The following ESM1 variants were observed in gnomAD, a reference collection of about 807,000 sequenced individuals.
ESM1 encodes the protein endothelial cell-specific molecule 1.
In ESM1, 7 loss-of-function variants were observed where a neutral mutation model predicts 14.9. That is an observed-to-expected ratio of 0.47 (90% CI 0.27 to 0.88). ESM1 has a LOEUF of 0.88. Among genes scored for constraint, ESM1 ranks in the 40% least tolerant of loss-of-function variants. The pLI is 0.14. For missense variants in ESM1, 192 were observed against 237.9 expected, an observed-to-expected ratio of 0.81 and a Z score of 1.27; for synonymous variants, 89 against 89.4, an observed-to-expected ratio of 1.00 and a Z score of 0.02.
intron 1 of ESM1, among the ~76,000 whole-genome samples, 198 bp from the exon 2 acceptor site, chr5:54,982,344 T>A (rs1034156309): frequency 1.2e-4 from 19 of 152,154 alleles, no homozygotes; most frequent in Non-Finnish European, 1.9e-4. Context: ...TAAGAACAGA[T>A]AATGGATGCC....
chr5:54,985,159 G>C (rs1251466341), intron 1 of ESM1, 58 bp downstream of exon 1: 1 of 1,499,238 alleles, frequency 6.7e-7, no homozygotes, highest in Non-Finnish European at 9.0e-7. Context: ...CACCTCCCAA[G>C]CTGGCTAAAA....
chr5:54,985,284 G>A lies in ESM1; in HGVS notation c.234C>T (p.Gly78=). ...TVSGMDGMKC[G]PGLRCQPSNG... is the part of the protein sequence containing the mutation. ...TAGAAGGCTGACACCTCAGCCCCGG[G>A]CCACACTTCATGCCATCCATGCCTG... The change falls in exon 1 of 3, where the codon GGC becomes GGT. Residue 78 remains glycine, a synonymous_variant. Coordinates refer to ENST00000381405, the MANE Select transcript of ESM1 (RefSeq NM_007036.5). 6.2e-7 allele frequency: 1 copy of A among 1,614,110 alleles called. No homozygotes were observed. Among genetic ancestry groups the A allele is most frequent in the East Asian group, 2.2e-5 (1 of 44,866 alleles).
In ESM1 at chr5:54,982,107, G is replaced by A. The variant is rs1744064718; in HGVS notation, c.341C>T (p.Thr114Ile). Residue 114 changes from threonine (T) to isoleucine (I), a missense_variant, in exon 2 of 3, where the codon ACC becomes ATC. Coordinates refer to ENST00000381405, the MANE Select transcript of ESM1 (RefSeq NM_007036.5). ...YGTFGMDCRE[T>I]CNCQSGICDR... Reference sequence around the variant, plus strand: ...ACAGATGCCTGACTGGCAGTTGCAGGTCTCTCTGCAATCCATCCCGAAGGT... The same window carrying A: ...ACAGATGCCTGACTGGCAGTTGCAGATCTCTCTGCAATCCATCCCGAAGGT... The A allele has an allele frequency of 1.2e-6, 2 of 1,614,100 alleles. No individual in the cohort carries two copies. The highest frequency in any genetic ancestry group is 1.7e-6 in the Non-Finnish European group (2 of 1,179,928).
Position 54,985,479 on chromosome 5 carries a change from A to C in ESM1, c.39T>G (p.Pro13=). 1.9e-6 allele frequency: 3 copies of C among 1,606,020 alleles called. No individual in the cohort carries two copies. Among genetic ancestry groups the C allele is most frequent in the Non-Finnish European group, 2.6e-6 (3 of 1,173,446 alleles). The change falls in exon 1 of 3, where the codon CCT becomes CCG. Residue 13 remains proline, a synonymous_variant. Transcript: ENST00000381405. ...TGCTCCAGGCGGCCACCAGGTGTGCAGGCACGAGGAGCGTGGTCAGCAGCA... is the reference window on the plus strand; with the variant it reads ...TGCTCCAGGCGGCCACCAGGTGTGCCGGCACGAGGAGCGTGGTCAGCAGCA... ...SVLLLTTLLV[P]AHLVAAWSNN... is the part of the protein sequence containing the mutation.
chr5:54,985,186 G>A (rs771040625), intron 1 of ESM1, 31 bp downstream of exon 1: 4 of 1,555,442 alleles, frequency 2.6e-6, no homozygotes, highest in Non-Finnish European at 3.5e-6. Flanking sequence ...AGCATGCCCC[G>A]GGAGGGGAGA....
At position 54,979,474 on chromosome 5, in the gene ESM1, A is replaced by G. The variant is rs370994211; in HGVS notation, c.452-39T>C. The G allele has an allele frequency of 2.6e-4, 347 of 1,345,250 alleles. 4 individuals carry two copies. The South Asian group carries it at 3.6e-3, about 14-fold the overall frequency. The allele number at this position is 1,345,250 out of a possible 1,614,324, so 83.3% of individuals were successfully genotyped here. ...GAATACAAATCATGTCCAAACATCT[A>G]TAGCTCAAAGACAACACAGTTTTGC... On this transcript the variant is annotated intron_variant, in intron 2 of 2. Coordinates refer to ENST00000381405, the MANE Select transcript of ESM1 (RefSeq NM_007036.5).
In ESM1 at chr5:54,977,972, A is replaced by G. The variant is rs1743968668; in HGVS notation, c.*1360T>C. 2 of 152,286 alleles carry G rather than the reference A, an allele frequency of 1.3e-5. No individual in the cohort carries two copies. The highest frequency in any genetic ancestry group is 2.4e-5 in the African/African-American group (1 of 41,568). 9.4% of individuals were successfully genotyped at this position (152,286 alleles called of 1,614,324 possible). ...CAAAGGCCTTCCCACACACATTCAC[A>G]ACTCTGTTGGCCAACTTCAAGAATA... On this transcript the variant is annotated 3_prime_UTR_variant, in exon 3 of 3. Coordinates refer to ENST00000381405, the MANE Select transcript of ESM1 (RefSeq NM_007036.5).
Position 54,980,478 on chromosome 5 carries a change from A to G in ESM1, c.452-1043T>C, listed in dbSNP as rs574348252. Among the ~76,000 whole-genome samples the G allele has an allele frequency of 2.0e-5, 3 of 151,910 alleles. No homozygotes were observed. The South Asian group carries it at 6.2e-4, about 32-fold the overall frequency. ...CAAAGACACATGTAGACTACAAAGAACCCTAGGCAGCCTCCCCAAGAGGTC... is the reference window on the plus strand; with the variant it reads ...CAAAGACACATGTAGACTACAAAGAGCCCTAGGCAGCCTCCCCAAGAGGTC... On this transcript the variant is annotated intron_variant, in intron 2 of 2. Transcript: ENST00000381405.
chr5:54,978,545 A>T lies in ESM1; in HGVS notation c.*787T>A, dbSNP rs1262578112. On this transcript the variant is annotated 3_prime_UTR_variant, in exon 3 of 3. Transcript: ENST00000381405. ...TTGCACTAACACATTTATTTATAAA[A>T]ATATATAAATATTTACCTTCATACA... 6.6e-6 allele frequency: 1 copy of T among 152,156 alleles called. No individual in the cohort carries two copies. The highest frequency in any genetic ancestry group is 1.9e-4 in the East Asian group (1 of 5,198). 9.4% of individuals were successfully genotyped at this position (152,156 alleles called of 1,614,324 possible).
At position 54,985,563 on chromosome 5, in the gene ESM1, T is replaced by C; in HGVS notation, c.-46A>G. ...TCGGCTCTCCAGTCGTGGTCTTTGC[T>C]GGTGGGAAGCAGCCGTCCAAACTGG... On this transcript the variant is annotated 5_prime_UTR_variant, in exon 1 of 3. Transcript: ENST00000381405. 1 of 1,539,604 alleles carries C rather than the reference T, an allele frequency of 6.5e-7. No individual in the cohort carries two copies. Among genetic ancestry groups the C allele is most frequent in the Non-Finnish European group, 8.8e-7 (1 of 1,138,702 alleles).
At chr5:54,981,866 G>T in intron 2 of ESM1, 131 bp downstream of exon 2, 1 of 916,326 alleles carries the variant, frequency 1.1e-6, no homozygotes, top group Non-Finnish European at 1.6e-6. Context: ...ACCACCCACC[G>T]TTCCCCTGAG....
rs186850443 is a variant in ESM1, at chr5:54,978,627, G to A, written c.*705C>T. On this transcript the variant is annotated 3_prime_UTR_variant, in exon 3 of 3. Transcript: ENST00000381405. ...TAGATTTATCTCTGAGGTGGCATAC[G>A]TTAAAGCTATTTATGGAAGTGTATG... 2.0e-5 allele frequency: 3 copies of A among 152,516 alleles called. No individual in the cohort carries two copies. The highest frequency in any genetic ancestry group is 2.9e-5 in the Non-Finnish European group (2 of 67,986). The allele number at this position is 152,516 out of a possible 1,614,324, so 9.4% of individuals were successfully genotyped here.
intron 2 of ESM1, among the ~76,000 whole-genome samples, chr5:54,981,368 T>C (rs1744048559): frequency 6.6e-6 from 1 of 152,216 alleles, no homozygotes; most frequent in Non-Finnish European, 1.5e-5. Context: ...AGGTTGTGTA[T>C]TCCTCACATT....
intron 1 of ESM1, among the ~76,000 whole-genome samples, chr5:54,983,302 C>T (rs1740432119): frequency 6.6e-6 from 1 of 152,170 alleles, no homozygotes; most frequent in Admixed American, 6.5e-5. Flanking sequence ...GAAAAGCACA[C>T]AGGATTAGGA....
chr5:54,983,231 C>T (rs1397668580), intron 1 of ESM1, among the ~76,000 whole-genome samples: 1 of 152,144 alleles, frequency 6.6e-6, no homozygotes, highest in African/African-American at 2.4e-5. Flanking sequence ...TGGTTTTGAA[C>T]ACTGTTCTCT....
At position 54,978,636 on chromosome 5, in the gene ESM1, A is replaced by G. The variant is rs2112244666; in HGVS notation, c.*696T>C. 6.6e-6 allele frequency: 1 copy of G among 152,628 alleles called. No individual in the cohort carries two copies. Among genetic ancestry groups the G allele is most frequent in the South Asian group, 2.1e-4 (1 of 4,814 alleles). 9.5% of individuals were successfully genotyped at this position (152,628 alleles called of 1,614,324 possible). A position where few individuals can be genotyped will look rare whatever the true frequency, so the allele number is the denominator to read the frequency against. The stretch of plus-strand genomic sequence containing the variant: ...CTCTGAGGTGGCATACGTTAAAGCT[A>G]TTTATGGAAGTGTATGTGTTTCCTA... On this transcript the variant is annotated 3_prime_UTR_variant, in exon 3 of 3. Coordinates refer to ENST00000381405, the MANE Select transcript of ESM1 (RefSeq NM_007036.5).
At chr5:54,981,974 C>A (rs1252352737) in intron 2 of ESM1, 23 bp downstream of exon 2, 7 of 1,608,506 alleles carry the variant, frequency 4.4e-6, no homozygotes, top group Non-Finnish European at 6.0e-6. Context: ...TCTTCCAATG[C>A]TTATACCAGA....
At position 54,980,518 on chromosome 5, in the gene ESM1, C is replaced by T. The variant is rs1442809894; in HGVS notation, c.452-1083G>A. 2.0e-5 allele frequency among the ~76,000 whole-genome samples: 3 copies of T among 152,282 alleles called. No homozygotes were observed. The East Asian group carries it at 5.8e-4, about 29-fold the overall frequency. On this transcript the variant is annotated intron_variant, in intron 2 of 2. Coordinates refer to ENST00000381405, the MANE Select transcript of ESM1 (RefSeq NM_007036.5). ...CCCAAGAGGTCCTTAGGGTTTTCTG[C>T]TCTCCATCCTGAACCTGACTAAGGT...
intron 2 of ESM1, 140 bp from the exon 3 acceptor site, chr5:54,979,575 C>A: frequency 1.6e-6 from 1 of 636,620 alleles, no homozygotes; most frequent in Non-Finnish European, 2.8e-6. Flanking sequence ...GTATTCACTG[C>A]TCTATATCAG....
Sources: gnomAD v4.1 joint callset for allele counts (sites outside exome capture counted in the v4.1 genomes callset) on GRCh38, gnomAD v4.1.1 for gene constraint, MANE v1.5 for transcripts, NCBI Gene and HGNC (gene_info 2026-07-23, HGNC 2026-07-21) for gene names.